The following DMC1 variants were observed in gnomAD, a reference collection of about 807,000 sequenced individuals.
DMC1 encodes the protein meiotic recombination protein DMC1 homolog.
Under a neutral mutation model 50.1 loss-of-function variants are expected in DMC1, and 27 were observed. That is an observed-to-expected ratio of 0.54 (90% CI 0.40 to 0.74). DMC1 has a LOEUF of 0.74. DMC1 is among the 30% of genes least tolerant of loss of function. The pLI is 0.00. For missense variants in DMC1, 295 were observed against 420.2 expected, an observed-to-expected ratio of 0.70 and a Z score of 2.60; for synonymous variants, 148 against 136.1, an observed-to-expected ratio of 1.09 and a Z score of -0.61.
chr22:38,552,368 T>G (rs963985884), intron 7 of DMC1, among the ~76,000 whole-genome samples: 2 of 152,162 alleles, frequency 1.3e-5, no homozygotes, highest in African/African-American at 2.4e-5. Context: ...AAAAAAGATA[T>G]AGAAAAGATG....
At chr22:38,527,227 C>T (rs920366016) in intron 12 of DMC1, among the ~76,000 whole-genome samples, 8 of 151,588 alleles carry the variant, frequency 5.3e-5, no homozygotes, top group East Asian at 3.9e-4. Flanking sequence ...TTTTTTTAGA[C>T]GGCATCTTTC....
intron 13 of DMC1, among the ~76,000 whole-genome samples, chr22:38,520,447 T>G (rs1226879426): frequency 6.6e-6 from 1 of 151,932 alleles, no homozygotes; most frequent in Admixed American, 6.6e-5. Flanking sequence ...AACCTCTGCC[T>G]CCTGGGTTCA....
chr22:38,517,308 C>T (rs1284314103), downstream of DMC1, among the ~76,000 whole-genome samples: 1 of 152,144 alleles, frequency 6.6e-6, no homozygotes, highest in Non-Finnish European at 1.5e-5. Flanking sequence ...GTGGCTCACG[C>T]CTGTAATCCT....
At chr22:38,568,977 G>A (rs546049868) in intron 1 of DMC1, among the ~76,000 whole-genome samples, 67 of 152,144 alleles carry the variant, frequency 4.4e-4, no homozygotes, top group Non-Finnish European at 7.5e-4. Context: ...CAGATCACGA[G>A]GTCAGGAGTT....
rs1172034150 is a variant in DMC1 at position 38,537,645 on chromosome 22, G to A, written c.783C>T (p.Asn261=). The change falls in exon 12 of 14, where the codon AAC becomes AAT. Residue 261 remains asparagine, a synonymous_variant. Transcript: ENST00000216024. ...TTTGATTGGTCACAAAAACAGCCAC[G>A]TTATATTCTGCATCAAGAGATAAAA... ...SRLQKISEEY[N]VAVFVTNQMT... 5.6e-6 allele frequency: 9 copies of A among 1,613,190 alleles called. No individual in the cohort carries two copies. The highest frequency in any genetic ancestry group is 2.2e-5 in the East Asian group (1 of 44,886).
chr22:38,543,298 C>T (rs923078330), intron 8 of DMC1, among the ~76,000 whole-genome samples: 5 of 149,984 alleles, frequency 3.3e-5, no homozygotes, highest in South Asian at 2.1e-4. Context: ...GGCATGATCT[C>T]GGCTCACTGC....
rs372023415 is a variant in DMC1 at position 38,550,317 on chromosome 22, C to T, written c.422-320G>A. Among the ~76,000 whole-genome samples the T allele has an allele frequency of 7.4e-3, 996 of 133,952 alleles. 5 individuals are homozygous for T. The highest frequency in any genetic ancestry group is 0.012 in the Non-Finnish European group (741 of 62,080). The allele number at this position is 133,952 out of a possible 152,430, so 87.9% of individuals were successfully genotyped here. A position where few individuals can be genotyped will look rare whatever the true frequency, so the allele number is the denominator to read the frequency against. On this transcript the variant is annotated intron_variant, in intron 7 of 13. Transcript: ENST00000216024. ...ATTTTCTTTCTTTTTCTTTTCTTTT[C>T]TTTTTTTTTTTTTTTTGAGACGAGT...
chr22:38,522,126 T>C (rs2090035768), intron 12 of DMC1, among the ~76,000 whole-genome samples: 2 of 151,856 alleles, frequency 1.3e-5, no homozygotes, highest in Admixed American at 1.3e-4. Flanking sequence ...TAATTTTTTG[T>C]ATTTTTAGTA....
chr22:38,558,095 G>A (rs2090487963), intron 5 of DMC1, among the ~76,000 whole-genome samples: 1 of 150,468 alleles, frequency 6.6e-6, no homozygotes, highest in African/African-American at 2.4e-5. Flanking sequence ...CTGAGTAGCT[G>A]GGATTACAGG....
intron 12 of DMC1, among the ~76,000 whole-genome samples, chr22:38,532,245 G>A (rs760665867): frequency 6.6e-6 from 1 of 151,940 alleles, no homozygotes; most frequent in Non-Finnish European, 1.5e-5. Context: ...ACCACTCAGC[G>A]ACTATACTAT....
intron 12 of DMC1, among the ~76,000 whole-genome samples, chr22:38,536,487 G>A (rs923049322): frequency 1.3e-5 from 2 of 152,074 alleles, no homozygotes; most frequent in African/African-American, 2.4e-5. Context: ...CAATAGTTAT[G>A]TGCACAAACA....
Position 38,566,795 on chromosome 22 carries a change from T to C in DMC1, c.97-59A>G, listed in dbSNP as rs1247841924. 10 of 1,546,842 alleles carry C rather than the reference T, an allele frequency of 6.5e-6. No individual in the cohort carries two copies. The African/African-American group carries it at 1.1e-4, about 17-fold the overall frequency. ...AAGATGCCAGCCTGCAAGGCTCCCA[T>C]ACTATGTCATGTGTTTCTGTGTCCA... On this transcript the variant is annotated intron_variant, in intron 3 of 13. Coordinates refer to ENST00000216024, the MANE Select transcript of DMC1 (RefSeq NM_007068.4).
At position 38,570,177 on chromosome 22, in the gene DMC1, G is replaced by C. The variant is rs1322019158; in HGVS notation, c.-168C>G. 2 of 151,936 alleles carry C rather than the reference G, an allele frequency of 1.3e-5. No homozygotes were observed. The highest frequency in any genetic ancestry group is 4.8e-5 in the African/African-American group (2 of 41,248). The allele number at this position is 151,936 out of a possible 1,614,324, so 9.4% of individuals were successfully genotyped here. A position where few individuals can be genotyped will look rare whatever the true frequency, so the allele number is the denominator to read the frequency against. ...AGACCCGCGCGCCGTTGACCACAGGGTTTGGCGCCAAACGAGGAGGGCGGG... is the reference window on the plus strand; with the variant it reads ...AGACCCGCGCGCCGTTGACCACAGGCTTTGGCGCCAAACGAGGAGGGCGGG... On this transcript the variant is annotated 5_prime_UTR_variant, in exon 1 of 14. Coordinates refer to ENST00000216024, the MANE Select transcript of DMC1 (RefSeq NM_007068.4).
chr22:38,524,168 C>T (rs1196536903), intron 12 of DMC1, among the ~76,000 whole-genome samples: 1 of 152,202 alleles, frequency 6.6e-6, no homozygotes, highest in African/African-American at 2.4e-5. Flanking sequence ...GTAATCCCAG[C>T]ACTTTGGGAG....
chr22:38,557,790 T>C (rs2090482744), intron 5 of DMC1, among the ~76,000 whole-genome samples: 1 of 152,146 alleles, frequency 6.6e-6, no homozygotes, highest in South Asian at 2.1e-4. Flanking sequence ...ACTGATTAAA[T>C]GGTACATTCC....
Position 38,538,211 on chromosome 22 carries a change from C to G in DMC1, c.775+84G>C, listed in dbSNP as rs142532265. The G allele has an allele frequency of 2.4e-3, 2,725 of 1,121,160 alleles. 54 individuals are homozygous for G. The African/African-American group carries it at 0.038, about 16-fold the overall frequency. 69.5% of individuals were successfully genotyped at this position (1,121,160 alleles called of 1,614,324 possible). A position where few individuals can be genotyped will look rare whatever the true frequency, so the allele number is the denominator to read the frequency against. On this transcript the variant is annotated intron_variant, in intron 11 of 13. Transcript: ENST00000216024. ...AATTTTATTTAAAAAAAAATCGCTG[C>G]CTCCTGACATTATATTCCAAGCTTC...
the DMC1 span, among the ~76,000 whole-genome samples, chr22:38,513,196 G>T: frequency 6.6e-6 from 1 of 152,174 alleles, no homozygotes; most frequent in Non-Finnish European, 1.5e-5. Context: ...GGAAACCCCA[G>T]TCTAGCAGCA....
chr22:38,548,146 CCTCTCTT>C (rs1299078896), intron 8 of DMC1, among the ~76,000 whole-genome samples: 2 of 152,160 alleles, frequency 1.3e-5, no homozygotes, highest in Non-Finnish European at 2.9e-5. Context: ...TCTCAATTCT[CCTCTCTT>C]CTCTCTCTAT....
Position 38,549,910 on chromosome 22 carries a change from A to C in DMC1, c.494+15T>G. On this transcript the variant is annotated intron_variant, in intron 8 of 13. Coordinates refer to ENST00000216024, the MANE Select transcript of DMC1 (RefSeq NM_007068.4). ...ATCACACTATTATGTTAGCAACTTTAAATAAAAAGGTTACAAAGTATTTTC... is the reference window on the plus strand; with the variant it reads ...ATCACACTATTATGTTAGCAACTTTCAATAAAAAGGTTACAAAGTATTTTC... 6.3e-7 allele frequency: 1 copy of C among 1,592,782 alleles called. No homozygotes were observed. The highest frequency in any genetic ancestry group is 1.1e-5 in the South Asian group (1 of 90,530).
Sources: gnomAD v4.1 joint callset for allele counts (sites outside exome capture counted in the v4.1 genomes callset) on GRCh38, gnomAD v4.1.1 for gene constraint, MANE v1.5 for transcripts, NCBI Gene and HGNC (gene_info 2026-07-23, HGNC 2026-07-21) for gene names.